Variants in DMD observed in about 807,000 individuals in gnomAD.
The protein encoded by DMD is mutant dystrophin.
A neutral mutation model predicts 330.1 loss-of-function variants in DMD; 63 were observed. The ratio of observed to expected loss-of-function variants is 0.19; its 90% confidence interval spans 0.16 to 0.24. The LOEUF (loss-of-function observed/expected upper bound fraction) is 0.24. Ranked by LOEUF, DMD falls within the 10% of genes least tolerant of loss-of-function variation. The pLI, the probability that DMD is intolerant of heterozygous loss-of-function variation, is 1.00. For synonymous variants in DMD, 1,223 were observed against 959.8 expected (o/e 1.27, Z -5.07); for missense variants, 3,344 against 2,684.1 (o/e 1.25, Z -5.43).
chrX:31,299,661 A>G (rs150788969), intron 62 of DMD, among the ~76,000 whole-genome samples: 1,466 of 108,450 alleles, frequency 0.014, 19 homozygotes, highest in African/African-American at 0.046. Flanking sequence ...CTGTAGTCCC[A>G]GCTACTTGGG....
rs759468460 is a variant in DMD, at chrX:32,415,153, A to T, written c.4072-3240T>A. 2.7e-5 allele frequency among the ~76,000 whole-genome samples: 3 copies of T among 112,299 alleles called. No individual in the cohort carries two copies. The East Asian group carries it at 8.4e-4, about 31-fold the overall frequency. ...CTCTGGCTAAAGGCAAAAACAGTGT[A>T]CTCTACAAGGCACATCTGTAGATTT... On this transcript the variant is annotated intron_variant, in intron 29 of 78. Transcript: ENST00000357033.
At chrX:33,234,011 G>T (rs1356057745) in intron 1 of DMD, among the ~76,000 whole-genome samples, 1 of 111,169 alleles carries the variant, frequency 9.0e-6, no homozygotes, top group South Asian at 3.8e-4. Flanking sequence ...CTTTTAAAAA[G>T]TTTCTCAAGC....
chrX:31,148,162 C>G (rs771442184), intron 74 of DMD, among the ~76,000 whole-genome samples: 38 of 111,831 alleles, frequency 3.4e-4, no homozygotes, highest in South Asian at 1.1e-3. Context: ...ATGAATGTAT[C>G]AACAAATACT....
At chrX:32,412,729 T>A (rs748573446) in intron 29 of DMD, among the ~76,000 whole-genome samples, 2 of 111,641 alleles carry the variant, frequency 1.8e-5, no homozygotes, top group Non-Finnish European at 3.8e-5. Context: ...GAATTCATTA[T>A]GTGTCATTTA....
At chrX:31,694,455 A>T (rs1436469179) in intron 52 of DMD, among the ~76,000 whole-genome samples, 1 of 108,359 alleles carries the variant, frequency 9.2e-6, no homozygotes, top group Non-Finnish European at 1.9e-5. Flanking sequence ...TAAAGAGACA[A>T]CCCACAGATT....
At position 31,881,903 on chromosome X, in the gene DMD, C is replaced by A. The variant is rs996628366; in HGVS notation, c.6913-6530G>T. ...GTTGCTAGTAATTTGGTAATTCAGA[C>A]CGAAAAGTTAAGCTTCTACCCTGGA... On this transcript the variant is annotated intron_variant, in intron 47 of 78. Coordinates refer to ENST00000357033, the MANE Select transcript of DMD (RefSeq NM_004006.3). 3.6e-5 allele frequency among the ~76,000 whole-genome samples: 4 copies of A among 111,854 alleles called. No homozygotes were observed. The Admixed American group carries it at 3.8e-4, about 11-fold the overall frequency.
intron 43 of DMD, among the ~76,000 whole-genome samples, chrX:32,251,593 G>A (rs959273519): frequency 9.0e-6 from 1 of 111,454 alleles, no homozygotes; most frequent in Non-Finnish European, 1.9e-5. Context: ...TCAAGGCTTG[G>A]TCTATGCTTT....
chrX:32,336,384 C>T (rs752617058), intron 41 of DMD, among the ~76,000 whole-genome samples: 1 of 111,797 alleles, frequency 8.9e-6, no homozygotes, highest in East Asian at 2.8e-4. Context: ...TTCTATCAGC[C>T]TTCCAAGAGC....
At chrX:31,183,878 A>G (rs1362502343) in intron 67 of DMD, among the ~76,000 whole-genome samples, 1 of 108,223 alleles carries the variant, frequency 9.2e-6, no homozygotes, top group Non-Finnish European at 1.9e-5. Flanking sequence ...TAAAAAAAAA[A>G]TCCATATTCC....
intron 60 of DMD, among the ~76,000 whole-genome samples, chrX:31,375,351 G>T (rs1885010170): frequency 9.0e-6 from 1 of 111,363 alleles, no homozygotes; most frequent in Non-Finnish European, 1.9e-5. Context: ...GTTTCTTAGA[G>T]GTGTAAATCC....
intron 57 of DMD, among the ~76,000 whole-genome samples, chrX:31,487,077 A>G (rs2068865659): frequency 8.9e-6 from 1 of 111,909 alleles, no homozygotes; most frequent in Non-Finnish European, 1.9e-5. Context: ...TCATGGAAGA[A>G]AAAAATTTGA....
At chrX:32,054,071 ATG>A (rs746629793) in intron 44 of DMD, among the ~76,000 whole-genome samples, 1,475 of 75,006 alleles carry the variant, frequency 0.02, 39 homozygotes, top group Admixed American at 0.068. Context: ...TATGTGGGGT[ATG>A]TGTGTGTGTG....
At chrX:32,861,911 A>AT (rs1260776214) in intron 2 of DMD, among the ~76,000 whole-genome samples, 1 of 111,897 alleles carries the variant, frequency 8.9e-6, no homozygotes, top group Non-Finnish European at 1.9e-5. Context: ...AGGGATGTCC[A>AT]TATCAGAAAA....
At chrX:31,153,215 C>T (rs952413200) in intron 74 of DMD, among the ~76,000 whole-genome samples, 4 of 111,722 alleles carry the variant, frequency 3.6e-5, no homozygotes, top group South Asian at 3.8e-4. Context: ...TTCCCAACTG[C>T]GAATCTTTGC....
At chrX:32,422,389 G>A (rs2098193729) in intron 29 of DMD, among the ~76,000 whole-genome samples, 1 of 111,738 alleles carries the variant, frequency 8.9e-6, no homozygotes, top group African/African-American at 3.3e-5. Flanking sequence ...TTCTATCTGT[G>A]TAATTTTGGT....
intron 44 of DMD, among the ~76,000 whole-genome samples, chrX:32,169,832 G>A (rs2096881020): frequency 9.2e-6 from 1 of 108,564 alleles, no homozygotes; most frequent in Admixed American, 9.8e-5. Flanking sequence ...TTTTTTCCTC[G>A]CATTGTTTCA....
intron 59 of DMD, among the ~76,000 whole-genome samples, chrX:31,456,836 ATGTGTGTGTG>A (rs5901988): frequency 1.4e-4 from 12 of 83,254 alleles, no homozygotes; most frequent in Middle Eastern, 0.013. Flanking sequence ...GCCCACATAT[ATGTGTGTGTG>A]TGTGTGTGTG....
intron 60 of DMD, among the ~76,000 whole-genome samples, chrX:31,393,702 G>C (rs2060790723): frequency 9.0e-6 from 1 of 110,991 alleles, no homozygotes; most frequent in Non-Finnish European, 1.9e-5. Context: ...TTGAGCGAGT[G>C]CTATTATTAC....
intron 51 of DMD, among the ~76,000 whole-genome samples, chrX:31,732,445 G>T (rs1252299145): frequency 3.6e-5 from 4 of 111,211 alleles, no homozygotes; most frequent in African/African-American, 1.3e-4. Context: ...TAAAAACAGT[G>T]GTTAAAAGAA....
Sources: allele counts gnomAD v4.1 joint callset (sites outside exome capture counted in the v4.1 genomes callset), GRCh38; gene constraint gnomAD v4.1.1; transcripts MANE v1.5; gene names NCBI Gene and HGNC (gene_info 2026-07-23, HGNC 2026-07-21).